GRIN2A: variants seen among roughly 807,000 people sequenced by gnomAD.
The protein encoded by GRIN2A is glutamate receptor ionotropic, NMDA 2A.
In GRIN2A, 22 loss-of-function variants were observed where a neutral mutation model predicts 113.4. The ratio of observed to expected loss-of-function variants is 0.19; its 90% CI spans 0.14 to 0.28. The LOEUF (loss-of-function observed/expected upper bound fraction) is 0.28, where lower values mean the gene tolerates loss of function less well. GRIN2A is among the 10% of genes least tolerant of loss of function. The pLI is 1.00. For missense variants in GRIN2A, 1,502 were observed against 1,887.0 expected, an observed-to-expected ratio of 0.80 and a Z score of 3.78; for synonymous variants, 827 against 738.4, an observed-to-expected ratio of 1.12 and a Z score of -1.94.
intron 4 of GRIN2A, among the ~76,000 whole-genome samples, chr16:9,864,717 G>C (rs1470458735): frequency 6.6e-6 from 1 of 152,112 alleles, no homozygotes; most frequent in East Asian, 1.9e-4. Flanking sequence ...AGAACCTGGA[G>C]GTATCAATCA....
At chr16:9,960,163 C>A (rs1025666372) in intron 2 of GRIN2A, among the ~76,000 whole-genome samples, 4 of 152,082 alleles carry the variant, frequency 2.6e-5, no homozygotes, top group Non-Finnish European at 5.9e-5. Context: ...AGGAGGGGCT[C>A]AATCAACAAT....
At chr16:10,140,447 A>G (rs2049302405) in intron 2 of GRIN2A, among the ~76,000 whole-genome samples, 1 of 152,136 alleles carries the variant, frequency 6.6e-6, no homozygotes, top group Non-Finnish European at 1.5e-5. Flanking sequence ...CACAGTCAAG[A>G]CTAGAATCCA....
At chr16:10,001,044 G>A (rs954242984) in intron 2 of GRIN2A, among the ~76,000 whole-genome samples, 15 of 152,156 alleles carry the variant, frequency 9.9e-5, no homozygotes, top group African/African-American at 3.1e-4. Context: ...GTTGTGATAT[G>A]GGGAAGAAAA....
In GRIN2A at chr16:9,764,692, C is replaced by A. The variant is rs139795367; in HGVS notation, c.2852G>T (p.Gly951Val). ...LMYSDNRSFQ[G>V]KESIFGDNMN... ...GTTGTCTCCAAAAATGCTCTCTTTC[C>A]CCTGAAAGGACCTGTTGTCTGAGTA... Residue 951 changes from glycine (G) to valine (V), a missense_variant, in exon 13 of 13, where the codon GGG (glycine) becomes GTG (valine). Physicochemically the swap from Gly to Val is moderately radical, Grantham distance 109. Coordinates refer to ENST00000330684, the MANE Select transcript of GRIN2A (RefSeq NM_001134407.3). 3.2e-4 allele frequency: 516 copies of A among 1,614,202 alleles called. No homozygotes were observed. Among genetic ancestry groups the A allele is most frequent in the Non-Finnish European group, 2.3e-4 (275 of 1,180,024 alleles).
intron 2 of GRIN2A, among the ~76,000 whole-genome samples, chr16:9,990,833 G>A (rs559777821): frequency 1.3e-4 from 20 of 152,240 alleles, no homozygotes; most frequent in African/African-American, 2.2e-4. Context: ...TTGGGAGGCC[G>A]AGGCAGGTGG....
intron 2 of GRIN2A, among the ~76,000 whole-genome samples, chr16:10,036,175 T>A (rs1245964140): frequency 2.0e-5 from 3 of 152,228 alleles, no homozygotes; most frequent in Admixed American, 6.5e-5. Context: ...CCCTTTTCAA[T>A]CACTTTGTGT....
At chr16:10,020,199 G>T (rs2046692292) in intron 2 of GRIN2A, among the ~76,000 whole-genome samples, 1 of 152,180 alleles carries the variant, frequency 6.6e-6, no homozygotes, top group African/African-American at 2.4e-5. Context: ...GGATGACGAG[G>T]TCAGGAGTTC....
intron 2 of GRIN2A, among the ~76,000 whole-genome samples, chr16:10,133,122 T>A (rs550157561): frequency 1.3e-5 from 2 of 152,276 alleles, no homozygotes; most frequent in African/African-American, 2.4e-5. Flanking sequence ...TCAAGATGGA[T>A]CCATAACTTA....
At chr16:10,135,119 G>A (rs1397493619) in intron 2 of GRIN2A, among the ~76,000 whole-genome samples, 3 of 152,168 alleles carry the variant, frequency 2.0e-5, no homozygotes, top group Admixed American at 6.5e-5. Flanking sequence ...ACTAAAAGGA[G>A]CAAGAAGAAA....
At chr16:10,045,322 T>C (rs2047239042) in intron 2 of GRIN2A, among the ~76,000 whole-genome samples, 1 of 152,138 alleles carries the variant, frequency 6.6e-6, no homozygotes, top group South Asian at 2.1e-4. Flanking sequence ...AGAAGCAAGG[T>C]AAATATGTTC....
intron 2 of GRIN2A, among the ~76,000 whole-genome samples, chr16:10,045,882 G>A (rs200370180): frequency 1.3e-5 from 2 of 152,274 alleles, no homozygotes; most frequent in East Asian, 3.9e-4. Flanking sequence ...CTCAACCTCT[G>A]CACTACTGAC....
chr16:9,948,208 G>A (rs1449429425), intron 2 of GRIN2A, among the ~76,000 whole-genome samples: 1 of 152,200 alleles, frequency 6.6e-6, no homozygotes. Flanking sequence ...ATCTTCAAGT[G>A]CATTTATTTA....
At chr16:9,842,635 A>C (rs1274220695) in intron 5 of GRIN2A, among the ~76,000 whole-genome samples, 1 of 152,228 alleles carries the variant, frequency 6.6e-6, no homozygotes, top group African/African-American at 2.4e-5. Flanking sequence ...GTATGGAAAA[A>C]CAATGAAATA....
intron 2 of GRIN2A, among the ~76,000 whole-genome samples, chr16:10,134,564 C>A (rs990013644): frequency 2.6e-5 from 4 of 152,006 alleles, no homozygotes; most frequent in African/African-American, 9.7e-5. Context: ...CAACAGGGGA[C>A]ATGTATACCT....
At chr16:10,056,151 T>G (rs556557208) in intron 2 of GRIN2A, among the ~76,000 whole-genome samples, 55 of 152,308 alleles carry the variant, frequency 3.6e-4, no homozygotes, top group Admixed American at 2.7e-3. Context: ...TGCAGTGTCA[T>G]ACTAATAACA....
chr16:10,107,642 C>A (rs1357083853), intron 2 of GRIN2A, among the ~76,000 whole-genome samples: 1 of 152,174 alleles, frequency 6.6e-6, no homozygotes, highest in Non-Finnish European at 1.5e-5. Flanking sequence ...TGCAAGATCC[C>A]TAAAGGTCCC....
At chr16:9,935,893 G>T (rs1051520415) in intron 3 of GRIN2A, among the ~76,000 whole-genome samples, 10 of 151,884 alleles carry the variant, frequency 6.6e-5, no homozygotes, top group African/African-American at 1.9e-4. Context: ...GTATAGACAG[G>T]GTTTCACCAT....
chr16:9,912,087 G>A (rs2044152304), intron 3 of GRIN2A, among the ~76,000 whole-genome samples: 1 of 152,068 alleles, frequency 6.6e-6, no homozygotes, highest in South Asian at 2.1e-4. Flanking sequence ...ACTATGATGA[G>A]GATGATGGTG....
At chr16:10,007,490 C>G (rs2046425636) in intron 2 of GRIN2A, among the ~76,000 whole-genome samples, 1 of 151,962 alleles carries the variant, frequency 6.6e-6, no homozygotes, top group African/African-American at 2.4e-5. Flanking sequence ...AGATCTTTTT[C>G]CCATTGAGTT....
Sources: allele counts gnomAD v4.1 joint callset (sites outside exome capture counted in the v4.1 genomes callset), GRCh38; gene constraint gnomAD v4.1.1; transcripts MANE v1.5; gene names NCBI Gene and HGNC (gene_info 2026-07-23, HGNC 2026-07-21).